The following EPB41L4A variants were observed in gnomAD, a reference collection of about 807,000 sequenced individuals.
The protein encoded by EPB41L4A is band 4.1-like protein 4A.
A neutral mutation model predicts 108.6 loss-of-function variants in EPB41L4A; 100 were observed. The ratio of observed to expected loss-of-function variants is 0.92; its 90% CI spans 0.78 to 1.09. EPB41L4A has a LOEUF of 1.09. Ranked by LOEUF, EPB41L4A falls within the 50% of genes least tolerant of loss-of-function variation. The pLI is 0.00. For missense variants in EPB41L4A, 1,030 were observed against 842.7 expected (o/e 1.22, Z -2.75); for synonymous variants, 319 against 289.0 (o/e 1.10, Z -1.05).
At chr5:112,345,778 TATACACACAC>T (rs1209828226) in intron 1 of EPB41L4A, among the ~76,000 whole-genome samples, 2,920 of 130,704 alleles carry the variant, frequency 0.022, 74 homozygotes, top group African/African-American at 0.062. Flanking sequence ...CATATATATA[TATACACACAC>T]ACACACACAC....
At chr5:112,282,718 T>TA (rs544778773) in intron 2 of EPB41L4A, among the ~76,000 whole-genome samples, 11 of 152,282 alleles carry the variant, frequency 7.2e-5, no homozygotes, top group Non-Finnish European at 1.5e-4. Flanking sequence ...ACGCTACACT[T>TA]ACACATGAAG....
intron 9 of EPB41L4A, 48 bp from the exon 10 acceptor site, chr5:112,240,858 G>T: frequency 8.4e-7 from 1 of 1,186,856 alleles, no homozygotes; most frequent in Non-Finnish European, 1.2e-6. Flanking sequence ...AGGGAAGGAA[G>T]ATAGCATTCT....
At chr5:112,322,582 C>A (rs993620056) in intron 1 of EPB41L4A, among the ~76,000 whole-genome samples, 3 of 152,058 alleles carry the variant, frequency 2.0e-5, no homozygotes, top group Non-Finnish European at 2.9e-5. Flanking sequence ...CCTACCGACC[C>A]CAGCAGACCT....
At chr5:112,253,354 T>C (rs1457888658) in intron 9 of EPB41L4A, among the ~76,000 whole-genome samples, 2 of 152,062 alleles carry the variant, frequency 1.3e-5, no homozygotes, top group East Asian at 3.9e-4. Flanking sequence ...AAACATGAAA[T>C]AAGAAACTCT....
intron 12 of EPB41L4A, among the ~76,000 whole-genome samples, chr5:112,217,149 G>A (rs1468924801): frequency 1.3e-5 from 2 of 151,944 alleles, no homozygotes; most frequent in African/African-American, 4.8e-5. Flanking sequence ...TCACCATGTT[G>A]CCCAGGCTGG....
At chr5:112,373,157 G>C (rs560137468) in intron 1 of EPB41L4A, among the ~76,000 whole-genome samples, 1 of 152,212 alleles carries the variant, frequency 6.6e-6, no homozygotes, top group African/African-American at 2.4e-5. Flanking sequence ...AGGAAGGCAA[G>C]TGAGGATGCT....
intron 2 of EPB41L4A, among the ~76,000 whole-genome samples, chr5:112,297,019 A>ACC (rs1754034114): frequency 6.8e-6 from 1 of 146,148 alleles, no homozygotes; most frequent in Non-Finnish European, 1.5e-5. Flanking sequence ...ACACACACAC[A>ACC]CCACAGTTTA....
intron 2 of EPB41L4A, among the ~76,000 whole-genome samples, chr5:112,296,990 TACACACACAC>T (rs10542487): frequency 4.7e-5 from 7 of 148,884 alleles, no homozygotes; most frequent in East Asian, 4.0e-4. Context: ...TATACATACA[TACACACACAC>T]ACACACACAC....
At chr5:112,395,951 G>A (rs1761307365) in intron 1 of EPB41L4A, among the ~76,000 whole-genome samples, 1 of 152,150 alleles carries the variant, frequency 6.6e-6, no homozygotes, top group Admixed American at 6.5e-5. Context: ...CCTTTGTAGG[G>A]ACATAAATGA....
rs1747917344 is a variant in EPB41L4A at position 112,219,798 on chromosome 5, T to G, written c.1088-9816A>C. On this transcript the variant is annotated intron_variant, in intron 12 of 22. Transcript: ENST00000261486. Reference sequence around the variant, plus strand: ...GCAACTTCCATCTTCTGAGTTCAAGTGATTCTCCCATCTCAGCCTCCCAAG... The same window carrying G: ...GCAACTTCCATCTTCTGAGTTCAAGGGATTCTCCCATCTCAGCCTCCCAAG... Among the ~76,000 whole-genome samples, 3 of 152,292 alleles carry G rather than the reference T, an allele frequency of 2.0e-5. No homozygotes were observed. In the South Asian group the frequency reaches 6.2e-4, roughly 32 times the overall value.
At chr5:112,349,968 G>A (rs1757937400) in intron 1 of EPB41L4A, among the ~76,000 whole-genome samples, 1 of 152,172 alleles carries the variant, frequency 6.6e-6, no homozygotes, top group South Asian at 2.1e-4. Context: ...GGGCGAAGAC[G>A]ACGACAGTGT....
intron 4 of EPB41L4A, among the ~76,000 whole-genome samples, chr5:112,268,937 CAAAAG>C (rs1479899535): frequency 7.1e-6 from 1 of 139,866 alleles, no homozygotes; most frequent in East Asian, 2.2e-4. Context: ...GATTCAAAGA[CAAAAG>C]GAAAGAGGAA....
intron 12 of EPB41L4A, among the ~76,000 whole-genome samples, chr5:112,153,489 A>G (rs1282190772): frequency 2.0e-5 from 3 of 151,238 alleles, no homozygotes; most frequent in African/African-American, 7.3e-5. Flanking sequence ...AGATAGCGCC[A>G]CTGCACTCCA....
intron 4 of EPB41L4A, among the ~76,000 whole-genome samples, chr5:112,269,965 C>G (rs1261072751): frequency 1.3e-5 from 2 of 152,118 alleles, no homozygotes; most frequent in Admixed American, 6.5e-5. Flanking sequence ...CAGCACAACA[C>G]GAGAGACGGG....
chr5:112,280,425 T>C lies in EPB41L4A; in HGVS notation c.205-102A>G, dbSNP rs993860978. The C allele has an allele frequency of 1.2e-5, 13 of 1,116,960 alleles. No individual in the cohort carries two copies. In the African/African-American group the frequency reaches 1.7e-4, roughly 15 times the overall value. The allele number at this position is 1,116,960 out of a possible 1,614,324, so 69.2% of individuals were successfully genotyped here. ...TGTTATTTAAACAACATTTTAAAAC[T>C]TGGTCAGTTAAACACTTCTCTCATA... On this transcript the variant is annotated intron_variant, in intron 2 of 22. Transcript: ENST00000261486.
intron 15 of EPB41L4A, among the ~76,000 whole-genome samples, chr5:112,198,675 T>G (rs1440081717): frequency 6.6e-6 from 1 of 152,164 alleles, no homozygotes; most frequent in African/African-American, 2.4e-5. Flanking sequence ...TTCCATACAT[T>G]TGTTTTATTG....
chr5:112,396,077 C>A (rs184854298), intron 1 of EPB41L4A, among the ~76,000 whole-genome samples: 7 of 152,018 alleles, frequency 4.6e-5, no homozygotes, highest in Non-Finnish European at 7.4e-5. Context: ...GGGCAGGGAA[C>A]ATCACCCACT....
At chr5:112,344,391 TA>T (rs1757510010) in intron 1 of EPB41L4A, among the ~76,000 whole-genome samples, 2 of 152,164 alleles carry the variant, frequency 1.3e-5, no homozygotes, top group South Asian at 4.1e-4. Context: ...TGCTTCAAAA[TA>T]AAATAGGAAT....
chr5:112,378,127 A>C (rs1759939349), intron 1 of EPB41L4A, among the ~76,000 whole-genome samples: 1 of 152,224 alleles, frequency 6.6e-6, no homozygotes. Context: ...ACATAAAAAG[A>C]TGAAAATCTA....
Sources: gnomAD v4.1 joint callset for allele counts (sites outside exome capture counted in the v4.1 genomes callset) on GRCh38, gnomAD v4.1.1 for gene constraint, MANE v1.5 for transcripts, NCBI Gene and HGNC (gene_info 2026-07-23, HGNC 2026-07-21) for gene names.